The following UBAC2 variants were observed in gnomAD, a reference collection of about 807,000 sequenced individuals.
The protein encoded by UBAC2 is ubiquitin-associated domain-containing protein 2.
UBAC2 carries 26 observed loss-of-function variants against 44.0 expected under a neutral mutation model. The ratio of observed to expected loss-of-function variants is 0.59; its 90% CI spans 0.43 to 0.82. The LOEUF (loss-of-function observed/expected upper bound fraction) is 0.82, where lower values mean the gene tolerates loss of function less well. Ranked by LOEUF, UBAC2 falls within the 40% of genes least tolerant of loss-of-function variation. The pLI is 0.00. For synonymous variants in UBAC2, 155 were observed against 154.3 expected (o/e 1.00, Z -0.04); for missense variants, 329 against 419.4 (o/e 0.78, Z 1.88).
chr13:99,291,941 C>T (rs140668170), intron 4 of UBAC2, among the ~76,000 whole-genome samples: 1 of 152,242 alleles, frequency 6.6e-6, no homozygotes, highest in African/African-American at 2.4e-5. Context: ...GAGGCACTTG[C>T]CCTCACCGAG....
chr13:99,281,600 C>T (rs1467776512), intron 4 of UBAC2, among the ~76,000 whole-genome samples: 1 of 152,176 alleles, frequency 6.6e-6, no homozygotes, highest in Non-Finnish European at 1.5e-5. Flanking sequence ...GCTCAGAAAC[C>T]TTCAGCGCTA....
intron 2 of UBAC2, among the ~76,000 whole-genome samples, chr13:99,238,835 A>G (rs2043269149): frequency 6.6e-6 from 1 of 152,226 alleles, no homozygotes; most frequent in South Asian, 2.1e-4. Context: ...AATTAAAAAC[A>G]ATGTTTAATC....
At chr13:99,349,294 C>T (rs1039289877) in intron 7 of UBAC2, among the ~76,000 whole-genome samples, 1 of 152,204 alleles carries the variant, frequency 6.6e-6, no homozygotes, top group Non-Finnish European at 1.5e-5. Flanking sequence ...CTACCACTGG[C>T]CCCTGACACA....
At chr13:99,362,551 T>C (rs144887456) in intron 7 of UBAC2, among the ~76,000 whole-genome samples, 1 of 152,290 alleles carries the variant, frequency 6.6e-6, no homozygotes, top group East Asian at 1.9e-4. Context: ...TTTTTGCGAG[T>C]CTTGTGGGTA....
Position 99,325,474 on chromosome 13 carries a change from C to G in UBAC2, c.561+7405C>G, listed in dbSNP as rs545090608. On this transcript the variant is annotated intron_variant, in intron 6 of 8. Transcript: ENST00000403766. ...TCTTCCAACTATATCCCCTATTTCA[C>G]TCACATATCCCTTCTTCTAGGAAGT... Among the ~76,000 whole-genome samples the G allele has an allele frequency of 2.0e-5, 3 of 152,302 alleles. No homozygotes were observed. The South Asian group carries it at 6.2e-4, about 32-fold the overall frequency.
intron 4 of UBAC2, among the ~76,000 whole-genome samples, chr13:99,276,276 G>C (rs1283611530): frequency 1.3e-5 from 2 of 152,148 alleles, no homozygotes; most frequent in African/African-American, 4.8e-5. Flanking sequence ...AAAGAGCTCA[G>C]TCTCAGAAGA....
intron 4 of UBAC2, among the ~76,000 whole-genome samples, chr13:99,309,489 G>A (rs1182645892): frequency 6.6e-6 from 1 of 152,188 alleles, no homozygotes; most frequent in Non-Finnish European, 1.5e-5. Context: ...CGCTGAAGCT[G>A]TATATTAGAT....
At chr13:99,381,263 A>G (rs1342305014) in intron 8 of UBAC2, among the ~76,000 whole-genome samples, 1 of 152,204 alleles carries the variant, frequency 6.6e-6, no homozygotes, top group Non-Finnish European at 1.5e-5. Flanking sequence ...CATCCTGTGG[A>G]TTCCAAACCA....
At chr13:99,234,221 C>T (rs1027871926) in intron 1 of UBAC2, among the ~76,000 whole-genome samples, 2 of 129,288 alleles carry the variant, frequency 1.5e-5, no homozygotes, top group Non-Finnish European at 3.1e-5. Context: ...CTCACTCTGT[C>T]GCCCAGGCTG....
chr13:99,335,244 T>A (rs995122269), intron 6 of UBAC2, among the ~76,000 whole-genome samples: 1 of 152,252 alleles, frequency 6.6e-6, no homozygotes, highest in Non-Finnish European at 1.5e-5. Flanking sequence ...ACTACATTTT[T>A]AATATTTTGT....
intron 4 of UBAC2, among the ~76,000 whole-genome samples, chr13:99,277,144 TA>T (rs139522463): frequency 0.031 from 4,664 of 152,120 alleles, 95 homozygotes; most frequent in Middle Eastern, 0.13. Flanking sequence ...CTTATACCTT[TA>T]AAAAAAATCC....
intron 1 of UBAC2, 117 bp downstream of exon 1, chr13:99,201,056 C>T (rs1270523373): frequency 3.8e-6 from 5 of 1,328,418 alleles, no homozygotes; most frequent in Non-Finnish European, 4.8e-6. Context: ...GGCCGACCCT[C>T]CAGACCCGCG....
intron 5 of UBAC2, among the ~76,000 whole-genome samples, chr13:99,316,512 C>G (rs570944866): frequency 2.0e-5 from 3 of 152,040 alleles, no homozygotes; most frequent in Admixed American, 2.0e-4. Context: ...CTTGAGAGCC[C>G]ATAACATCAT....
intron 8 of UBAC2, among the ~76,000 whole-genome samples, chr13:99,384,004 G>A (rs1275474712): frequency 6.6e-6 from 1 of 152,226 alleles, no homozygotes; most frequent in Non-Finnish European, 1.5e-5. Flanking sequence ...GTGGGATAGA[G>A]AGGAAGAACA....
intron 1 of UBAC2, chr13:99,234,326 T>C: frequency 3.0e-6 from 1 of 334,932 alleles, no homozygotes; most frequent in Non-Finnish European, 6.3e-6. Context: ...CAAGTGGGAT[T>C]ATAGGCGCTT....
intron 4 of UBAC2, among the ~76,000 whole-genome samples, chr13:99,271,532 A>G (rs943592648): frequency 3.9e-5 from 6 of 152,304 alleles, no homozygotes; most frequent in African/African-American, 1.4e-4. Context: ...TAATCAGGGC[A>G]TTCGGGAGCC....
At chr13:99,329,554 A>G (rs191435203) in intron 6 of UBAC2, among the ~76,000 whole-genome samples, 2 of 152,340 alleles carry the variant, frequency 1.3e-5, no homozygotes, top group Admixed American at 1.3e-4. Flanking sequence ...AGATCATAAA[A>G]GACACAGCTA....
At chr13:99,339,937 G>C (rs910658359) in intron 6 of UBAC2, among the ~76,000 whole-genome samples, 5 of 152,224 alleles carry the variant, frequency 3.3e-5, no homozygotes, top group Non-Finnish European at 5.9e-5. Flanking sequence ...TGGTGTCTCT[G>C]TGATGGCCAT....
intron 7 of UBAC2, among the ~76,000 whole-genome samples, chr13:99,348,110 A>G (rs548403070): frequency 1.3e-5 from 2 of 152,320 alleles, no homozygotes; most frequent in South Asian, 4.1e-4. Context: ...TGCCAGGGCC[A>G]TTACATAACT....
Sources: allele counts gnomAD v4.1 joint callset (sites outside exome capture counted in the v4.1 genomes callset), GRCh38; gene constraint gnomAD v4.1.1; transcripts MANE v1.5; gene names NCBI Gene and HGNC (gene_info 2026-07-23, HGNC 2026-07-21).